Variants in SLC8A1 observed in about 807,000 individuals in gnomAD.
The protein encoded by SLC8A1 is solute carrier family 8 member A1, also known as sodium/calcium exchanger 1.
In SLC8A1, 18 loss-of-function variants were observed where a neutral mutation model predicts 68.3. The ratio of observed to expected loss-of-function variants is 0.26; its 90% confidence interval spans 0.18 to 0.39. The LOEUF (loss-of-function observed/expected upper bound fraction) is 0.39. Among genes scored for constraint, SLC8A1 ranks in the 10% least tolerant of loss-of-function variants. The pLI, the probability that SLC8A1 is intolerant of heterozygous loss-of-function variation, is 1.00. For synonymous variants in SLC8A1, 475 were observed against 415.5 expected (o/e 1.14, Z -1.74); for missense variants, 985 against 1,156.7 (o/e 0.85, Z 2.15).
intron 2 of SLC8A1, among the ~76,000 whole-genome samples, chr2:40,190,985 GA>G (rs34679586): frequency 0.12 from 17,705 of 151,996 alleles, 1,169 homozygotes; most frequent in Middle Eastern, 0.21. Context: ...ACTTTTAAAG[GA>G]ATATTCATTT....
At chr2:40,323,709 C>T (rs985559260) in intron 2 of SLC8A1, among the ~76,000 whole-genome samples, 1 of 151,970 alleles carries the variant, frequency 6.6e-6, no homozygotes, top group African/African-American at 2.4e-5. Context: ...ACAACAAAAA[C>T]AAACCCTCCT....
At chr2:40,437,420 G>A (rs895422462) in intron 1 of SLC8A1, among the ~76,000 whole-genome samples, 1 of 152,068 alleles carries the variant, frequency 6.6e-6, no homozygotes, top group African/African-American at 2.4e-5. Context: ...CATAGCAAGG[G>A]AAAGATGATC....
intron 2 of SLC8A1, among the ~76,000 whole-genome samples, chr2:40,328,583 G>T (rs187399404): frequency 6.6e-6 from 1 of 151,850 alleles, no homozygotes; most frequent in Non-Finnish European, 1.5e-5. Context: ...ATTTTTGTTC[G>T]CATACATACA....
At chr2:40,105,145 C>T (rs568911450) in exon 8 of SLC8A1, 13 of 152,306 alleles carry the variant, frequency 8.5e-5, no homozygotes, top group African/African-American at 2.9e-4. Context: ...AGAGCCATGT[C>T]AATATCCTCC....
chr2:40,228,321 A>G (rs11899204), intron 2 of SLC8A1, among the ~76,000 whole-genome samples: 23,109 of 152,244 alleles, frequency 0.15, 1,905 homozygotes, highest in Non-Finnish European at 0.17. Context: ...ATGCTTATGT[A>G]AGAATTCTTA....
chr2:40,161,261 C>A (rs547089417), intron 5 of SLC8A1, among the ~76,000 whole-genome samples: 1 of 152,060 alleles, frequency 6.6e-6, no homozygotes, highest in Non-Finnish European at 1.5e-5. Context: ...TGCGAATAGC[C>A]GGAAGTGACA....
At chr2:40,351,599 A>AG (rs760581497) in intron 2 of SLC8A1, among the ~76,000 whole-genome samples, 1 of 151,874 alleles carries the variant, frequency 6.6e-6, no homozygotes, top group Non-Finnish European at 1.5e-5. Flanking sequence ...AAAAAAAAAA[A>AG]GTTGGAAAAC....
intron 7 of SLC8A1, among the ~76,000 whole-genome samples, chr2:40,117,833 G>A (rs1489505077): frequency 6.6e-6 from 1 of 152,044 alleles, no homozygotes; most frequent in Non-Finnish European, 1.5e-5. Flanking sequence ...CTTCCAGTGG[G>A]GAAGATATGT....
At chr2:40,403,641 A>G (rs1689425758) in intron 2 of SLC8A1, among the ~76,000 whole-genome samples, 1 of 152,236 alleles carries the variant, frequency 6.6e-6, no homozygotes, top group South Asian at 2.1e-4. Flanking sequence ...CCTTGCAGTT[A>G]TAATTTCTTC....
At chr2:40,388,304 C>T (rs78676371) in intron 2 of SLC8A1, among the ~76,000 whole-genome samples, 13 of 152,090 alleles carry the variant, frequency 8.5e-5, no homozygotes, top group Admixed American at 2.6e-4. Flanking sequence ...TGTGTGTCCC[C>T]GTGAAACATA....
chr2:40,293,146 G>A (rs1397084643), intron 2 of SLC8A1, among the ~76,000 whole-genome samples: 1 of 152,018 alleles, frequency 6.6e-6, no homozygotes, highest in Non-Finnish European at 1.5e-5. Flanking sequence ...GAACACCTAA[G>A]TTAACTCAGG....
At chr2:40,397,057 A>C (rs1333941131) in intron 2 of SLC8A1, among the ~76,000 whole-genome samples, 1 of 152,210 alleles carries the variant, frequency 6.6e-6, no homozygotes, top group African/African-American at 2.4e-5. Context: ...TGCTCTGTGC[A>C]AAGAGTGGAT....
At chr2:40,460,695 C>T (rs979760260) in intron 1 of SLC8A1, among the ~76,000 whole-genome samples, 3 of 152,016 alleles carry the variant, frequency 2.0e-5, no homozygotes, top group Non-Finnish European at 4.4e-5. Flanking sequence ...CCCAGCCTCC[C>T]CGAGTAGCTG....
intron 2 of SLC8A1, among the ~76,000 whole-genome samples, chr2:40,335,184 C>T (rs1199546438): frequency 6.6e-6 from 1 of 152,168 alleles, no homozygotes; most frequent in African/African-American, 2.4e-5. Flanking sequence ...TATTTTCCTA[C>T]AATTATCATA....
intron 2 of SLC8A1, among the ~76,000 whole-genome samples, chr2:40,326,181 C>T (rs1451697977): frequency 6.6e-6 from 1 of 152,144 alleles, no homozygotes; most frequent in Admixed American, 6.6e-5. Context: ...TCTTCGAACT[C>T]AGAGCTAGGG....
chr2:40,379,705 CTGTGCCTT>C (rs1681100836), intron 2 of SLC8A1, among the ~76,000 whole-genome samples: 1 of 151,920 alleles, frequency 6.6e-6, no homozygotes, highest in Non-Finnish European at 1.5e-5. Flanking sequence ...CTTTGGGACC[CTGTGCCTT>C]TATGTCAGCA....
At chr2:40,135,121 A>G (rs947825058) in intron 7 of SLC8A1, among the ~76,000 whole-genome samples, 15 of 152,226 alleles carry the variant, frequency 9.9e-5, no homozygotes, top group South Asian at 2.1e-4. Context: ...CCATGGGCCC[A>G]AAGAACAGCA....
chr2:40,344,536 G>T (rs1394870463), intron 2 of SLC8A1, among the ~76,000 whole-genome samples: 2 of 152,168 alleles, frequency 1.3e-5, no homozygotes, highest in Non-Finnish European at 2.9e-5. Context: ...AAGACACCCA[G>T]ACTCACTGTT....
chr2:40,126,151 C>T lies in SLC8A1; in HGVS notation c.2438-10522G>A, dbSNP rs532764064. Among the ~76,000 whole-genome samples, 6 of 152,232 alleles carry T rather than the reference C, an allele frequency of 3.9e-5. No individual in the cohort carries two copies. In the East Asian group the frequency reaches 7.7e-4, roughly 20 times the overall value. ...ATGCTGCCAGTACATTTCCAGGATC[C>T]TTCATCAGTTTGCCAGATAACAACT... On this transcript the variant is annotated intron_variant, in intron 7 of 7. Coordinates refer to ENST00000406785, the Ensembl canonical transcript of SLC8A1.
Sources: gnomAD v4.1 joint callset for allele counts (sites outside exome capture counted in the v4.1 genomes callset) on GRCh38, gnomAD v4.1.1 for gene constraint, MANE v1.5 for transcripts, NCBI Gene and HGNC (gene_info 2026-07-23, HGNC 2026-07-21) for gene names.